CDH3: variants seen among roughly 807,000 people sequenced by gnomAD.
The protein encoded by CDH3 is cadherin-3.
CDH3 carries 54 observed loss-of-function variants against 82.0 expected under a neutral mutation model. The ratio of observed to expected loss-of-function variants is 0.66; its 90% CI spans 0.53 to 0.83. CDH3 has a LOEUF of 0.83. CDH3 is among the 40% of genes least tolerant of loss of function. The pLI is 0.00. For synonymous variants in CDH3, 446 were observed against 437.9 expected, an observed-to-expected ratio of 1.02 and a Z score of -0.23; for missense variants, 1,054 against 1,084.6, an observed-to-expected ratio of 0.97 and a Z score of 0.40.
chr16:68,702,414 G>C (rs1395429035), downstream of CDH3, among the ~76,000 whole-genome samples: 1 of 152,106 alleles, frequency 6.6e-6, no homozygotes, highest in Non-Finnish European at 1.5e-5. Context: ...CAGGAGATGG[G>C]GATCGTGGTC....
At position 68,707,998 on chromosome 16, in the gene CDH3, G is replaced by T. The variant is rs1174746337; in HGVS notation, c.99+12075G>T. Among the ~76,000 whole-genome samples, 1 of 152,188 alleles carries T rather than the reference G, an allele frequency of 6.6e-6. No individual in the cohort carries two copies. Among genetic ancestry groups the T allele is most frequent in the East Asian group, 1.9e-4 (1 of 5,172 alleles). On this transcript the variant is annotated intron_variant, in intron 1 of 2. Coordinates refer to the CDH3 transcript ENST00000569080. This position sits in a 1 kb window ranked among gnomAD's most constrained non-coding sequence, Gnocchi z 4.5. Reference sequence around the variant, plus strand: ...TCTGTGTGTCCTCCAGGAACCTGACGACCCAGGCACTCCAGGAAGACGATG... The same window carrying T: ...TCTGTGTGTCCTCCAGGAACCTGACTACCCAGGCACTCCAGGAAGACGATG...
At chr16:68,683,172 A>G (rs771659567) in intron 9 of CDH3, among the ~76,000 whole-genome samples, 4 of 152,222 alleles carry the variant, frequency 2.6e-5, no homozygotes, top group Non-Finnish European at 5.9e-5. Flanking sequence ...TGGTTTGAGA[A>G]GCAGGGTATA....
intron 15 of CDH3, 96 bp downstream of exon 15, chr16:68,696,019 G>C (rs772881227): frequency 7.3e-7 from 1 of 1,372,376 alleles, no homozygotes; most frequent in East Asian, 2.4e-5. Context: ...TTGGGTCTGG[G>C]TTCAAATTCT....
chr16:68,658,752 T>C (rs888327970), intron 2 of CDH3, among the ~76,000 whole-genome samples: 3 of 152,148 alleles, frequency 2.0e-5, no homozygotes, highest in Admixed American at 1.3e-4. Flanking sequence ...TCTTTTATGG[T>C]CTTTTTCCGC....
intron 12 of CDH3, among the ~76,000 whole-genome samples, chr16:68,690,468 C>T (rs532285733): frequency 2.0e-5 from 3 of 151,500 alleles, no homozygotes; most frequent in African/African-American, 7.3e-5. Flanking sequence ...CAAAAACTAG[C>T]TGGGTGTAGT....
chr16:68,724,035 C>T (rs1962192198), intron 2 of CDH3, among the ~76,000 whole-genome samples: 2 of 147,248 alleles, frequency 1.4e-5, no homozygotes, highest in East Asian at 2.0e-4. Context: ...GGCCACTGCA[C>T]TCCAGCCTGG....
chr16:68,709,054 C>G (rs775353700), intron 1 of CDH3, among the ~76,000 whole-genome samples: 1 of 152,132 alleles, frequency 6.6e-6, no homozygotes, highest in Non-Finnish European at 1.5e-5. Context: ...GCTGGGAGTA[C>G]AGGTGTGAGC....
At chr16:68,690,631 G>A (rs1000634416) in intron 12 of CDH3, among the ~76,000 whole-genome samples, 5 of 147,294 alleles carry the variant, frequency 3.4e-5, no homozygotes, top group African/African-American at 7.6e-5. Context: ...ATTGAAGGCC[G>A]GGCACCGTGG....
At chr16:68,714,165 G>A (rs990078392) in intron 1 of CDH3, among the ~76,000 whole-genome samples, 10 of 151,940 alleles carry the variant, frequency 6.6e-5, no homozygotes, top group Admixed American at 1.3e-4. Context: ...AACTCCTGAC[G>A]TCAGGTGATC....
At chr16:68,731,047 A>ACATATATATATAT (rs1262844091), downstream of CDH3, among the ~76,000 whole-genome samples, 1 of 26,346 alleles carries the variant, frequency 3.8e-5, no homozygotes, top group African/African-American at 1.4e-4. Context: ...AAAAAAAAAA[A>ACATATATATATAT]ATATATATAT....
chr16:68,683,651 CAAAAAAA>C (rs1199101103), intron 9 of CDH3, among the ~76,000 whole-genome samples: 7 of 69,866 alleles, frequency 1.0e-4, no homozygotes, highest in African/African-American at 3.9e-4. Flanking sequence ...GACTCTGTCT[CAAAAAAA>C]AAAAAAAAAA....
chr16:68,667,581 G>A (rs1207794142), intron 2 of CDH3, among the ~76,000 whole-genome samples: 1 of 152,218 alleles, frequency 6.6e-6, no homozygotes, highest in Non-Finnish European at 1.5e-5. Context: ...TCCCTTGGGA[G>A]TATGGAGGTG....
chr16:68,670,485 G>A (rs1264318087), intron 2 of CDH3, among the ~76,000 whole-genome samples: 1 of 152,080 alleles, frequency 6.6e-6, no homozygotes, highest in Non-Finnish European at 1.5e-5. Flanking sequence ...TCTTGAAATG[G>A]TTTTGCTCTG....
At chr16:68,728,098 A>G (rs1015879828), downstream of CDH3, among the ~76,000 whole-genome samples, 2 of 152,196 alleles carry the variant, frequency 1.3e-5, no homozygotes, top group Non-Finnish European at 2.9e-5. Flanking sequence ...ATTGGCTTTC[A>G]ATAAATAATA....
intron 1 of CDH3, 62 bp downstream of exon 1, chr16:68,645,486 G>T (rs111398116): frequency 2.5e-6 from 4 of 1,570,916 alleles, no homozygotes; most frequent in African/African-American, 2.7e-5. Flanking sequence ...GGCGGGGTCC[G>T]CATGGGGCAG....
intron 6 of CDH3, among the ~76,000 whole-genome samples, 156 bp downstream of exon 6, chr16:68,679,062 TA>T (rs1169266453): frequency 2.6e-5 from 4 of 152,212 alleles, no homozygotes; most frequent in Admixed American, 2.6e-4. Context: ...GGTTCCTGAA[TA>T]AGAATGATCC....
intron 2 of CDH3, among the ~76,000 whole-genome samples, chr16:68,655,726 G>A (rs945709028): frequency 1.3e-5 from 2 of 152,150 alleles, no homozygotes; most frequent in Non-Finnish European, 2.9e-5. Context: ...GCCTGGCATG[G>A]TGGCAAGCAC....
Position 68,698,194 on chromosome 16 carries a change from C to T in CDH3, c.2284C>T (p.Leu762=). Residue 762 remains leucine, a synonymous_variant, in exon 16 of 16, where the codon CTG becomes TTG. Transcript: ENST00000264012. ...TACCTGTTCTCTGTTGCCGCAGAACCTGAAGGCGGCTAACACAGACCCCAC... is the reference window on the plus strand; with the variant it reads ...TACCTGTTCTCTGTTGCCGCAGAACTTGAAGGCGGCTAACACAGACCCCAC... The part of the protein sequence containing the change: ...DEIGNFIIEN[L]KAANTDPTAP... 1.9e-6 allele frequency: 3 copies of T among 1,614,184 alleles called. No homozygotes were observed. Among genetic ancestry groups the T allele is most frequent in the Non-Finnish European group, 2.5e-6 (3 of 1,180,018 alleles).
rs1201671479 is a variant in CDH3 at position 68,656,715 on chromosome 16, T to C, written c.160+10965T>C. On this transcript the variant is annotated intron_variant, in intron 2 of 15. Coordinates refer to ENST00000264012, the MANE Select transcript of CDH3 (RefSeq NM_001793.6). ...ATCAGGGTGGGAAAGGGAAAGATAT[T>C]TGGAGTCTTCTGGCCCCAGCCAAAT... 2.0e-5 allele frequency among the ~76,000 whole-genome samples: 3 copies of C among 152,306 alleles called. No individual in the cohort carries two copies. In the East Asian group the frequency reaches 5.8e-4, roughly 29 times the overall value.
Sources: gnomAD v4.1 joint callset for allele counts (sites outside exome capture counted in the v4.1 genomes callset) on GRCh38, gnomAD v4.1.1 for gene constraint, Gnocchi (gnomAD v3.1) non-coding constraint, MANE v1.5 for transcripts, NCBI Gene and HGNC (gene_info 2026-07-23, HGNC 2026-07-21) for gene names.